ADAMTSL1: variants seen among roughly 807,000 people sequenced by gnomAD.
ADAMTSL1 encodes ADAMTS like 1, also known as ADAMTS-like protein 1.
ADAMTSL1 carries 126 observed loss-of-function variants against 201.8 expected under a neutral mutation model. The ratio of observed to expected loss-of-function variants is 0.62; its 90% confidence interval spans 0.54 to 0.72. The LOEUF (loss-of-function observed/expected upper bound fraction) is 0.72, where lower values mean the gene tolerates loss of function less well. ADAMTSL1 is among the 30% of genes least tolerant of loss of function. ADAMTSL1 has a pLI of 0.00. For synonymous variants in ADAMTSL1, 1,121 were observed against 903.4 expected, an observed-to-expected ratio of 1.24 and a Z score of -4.32; for missense variants, 2,679 against 2,277.8, an observed-to-expected ratio of 1.18 and a Z score of -3.59.
chr9:18,851,053 C>A (rs1170332789), intron 23 of ADAMTSL1, among the ~76,000 whole-genome samples: 1 of 152,238 alleles, frequency 6.6e-6, no homozygotes, highest in Non-Finnish European at 1.5e-5. Flanking sequence ...CTCTTTCTCA[C>A]TGTGGTCTAC....
intron 23 of ADAMTSL1, among the ~76,000 whole-genome samples, chr9:18,868,501 C>G (rs1827681283): frequency 6.6e-6 from 1 of 152,186 alleles, no homozygotes; most frequent in South Asian, 2.1e-4. Context: ...ATAGTTAGAG[C>G]AAATCTAGAG....
chr9:17,908,787 C>G (rs1298432942), intron 1 of ADAMTSL1, among the ~76,000 whole-genome samples: 1 of 152,036 alleles, frequency 6.6e-6, no homozygotes, highest in African/African-American at 2.4e-5. Flanking sequence ...AATCATGGCC[C>G]CATGTGTCTT....
intron 1 of ADAMTSL1, among the ~76,000 whole-genome samples, chr9:18,095,777 C>G (rs1421531654): frequency 6.6e-6 from 1 of 152,136 alleles, no homozygotes; most frequent in Non-Finnish European, 1.5e-5. Flanking sequence ...TCTCATCTTG[C>G]ATAATTCTTG....
At chr9:18,880,438 T>C (rs1828454829) in intron 23 of ADAMTSL1, among the ~76,000 whole-genome samples, 1 of 152,258 alleles carries the variant, frequency 6.6e-6, no homozygotes, top group Non-Finnish European at 1.5e-5. Flanking sequence ...ATGGATGTTA[T>C]GTTCGCAGAA....
chr9:17,908,313 G>C (rs974850856), intron 1 of ADAMTSL1, among the ~76,000 whole-genome samples: 3 of 152,144 alleles, frequency 2.0e-5, no homozygotes, highest in Admixed American at 1.3e-4. Context: ...GAAATTTCCT[G>C]CGTTAGGGCC....
chr9:18,695,047 GC>G (rs1277426481), intron 13 of ADAMTSL1, among the ~76,000 whole-genome samples: 1 of 152,220 alleles, frequency 6.6e-6, no homozygotes, highest in Admixed American at 6.5e-5. Context: ...CATATCTGGA[GC>G]CCTTTTAGCC....
chr9:18,843,055 G>T (rs1297938811), intron 23 of ADAMTSL1, among the ~76,000 whole-genome samples: 1 of 151,826 alleles, frequency 6.6e-6, no homozygotes, highest in Non-Finnish European at 1.5e-5. Context: ...ATATTGTTAT[G>T]TGTGAATCTG....
At chr9:18,065,135 A>G (rs1170331696) in intron 1 of ADAMTSL1, among the ~76,000 whole-genome samples, 1 of 152,078 alleles carries the variant, frequency 6.6e-6, no homozygotes, top group East Asian at 1.9e-4. Context: ...AAATTTGTAG[A>G]AAACTTTTTT....
At chr9:18,496,748 C>A (rs1174866248) in intron 1 of ADAMTSL1, among the ~76,000 whole-genome samples, 1 of 152,224 alleles carries the variant, frequency 6.6e-6, no homozygotes, top group African/African-American at 2.4e-5. Context: ...CAAACCCCAA[C>A]ATGTGCTTTC....
At chr9:18,877,437 C>T (rs1828237074) in intron 23 of ADAMTSL1, among the ~76,000 whole-genome samples, 1 of 152,194 alleles carries the variant, frequency 6.6e-6, no homozygotes. Context: ...TGATGTGGTG[C>T]TCTCCCACTT....
intron 4 of ADAMTSL1, among the ~76,000 whole-genome samples, chr9:18,612,884 A>C (rs1825469878): frequency 6.6e-6 from 1 of 152,156 alleles, no homozygotes; most frequent in Admixed American, 6.5e-5. Flanking sequence ...TTAAGCTAAC[A>C]AACTTCTACA....
intron 1 of ADAMTSL1, among the ~76,000 whole-genome samples, chr9:17,908,036 C>A (rs1487893787): frequency 6.6e-6 from 1 of 152,060 alleles, no homozygotes; most frequent in African/African-American, 2.4e-5. Context: ...GTTTTCCGAT[C>A]TCTATTTTAA....
At chr9:18,044,864 C>T (rs16936268) in intron 1 of ADAMTSL1, among the ~76,000 whole-genome samples, 2 of 152,152 alleles carry the variant, frequency 1.3e-5, no homozygotes, top group Non-Finnish European at 2.9e-5. Context: ...AAGTATGGCT[C>T]TCTGGCTCTC....
intron 10 of ADAMTSL1, among the ~76,000 whole-genome samples, 158 bp downstream of exon 10, chr9:18,676,065 A>G (rs1416481513): frequency 6.6e-6 from 1 of 152,120 alleles, no homozygotes; most frequent in African/African-American, 2.4e-5. Context: ...CTGCTTTTGA[A>G]TAATACTAGC....
intron 4 of ADAMTSL1, among the ~76,000 whole-genome samples, chr9:18,582,746 G>C (rs1823182330): frequency 6.6e-6 from 1 of 151,980 alleles, no homozygotes; most frequent in African/African-American, 2.4e-5. Flanking sequence ...CTTCTCTGGA[G>C]GCTGAAGCAG....
intron 2 of ADAMTSL1, among the ~76,000 whole-genome samples, chr9:18,297,349 T>A (rs1475886823): frequency 6.6e-6 from 1 of 151,922 alleles, no homozygotes. Flanking sequence ...ACCAACTAAC[T>A]TTTTTCTTTT....
intron 2 of ADAMTSL1, among the ~76,000 whole-genome samples, chr9:18,285,949 G>A (rs1832976942): frequency 6.6e-6 from 1 of 151,958 alleles, no homozygotes; most frequent in Admixed American, 6.6e-5. Context: ...TTCTATCTAA[G>A]AACATTTTCA....
chr9:18,087,180 C>A (rs908602078), intron 1 of ADAMTSL1, among the ~76,000 whole-genome samples: 1 of 152,042 alleles, frequency 6.6e-6, no homozygotes, highest in Non-Finnish European at 1.5e-5. Context: ...TCAGTCATAA[C>A]CTTTTCTTTT....
chr9:18,588,902 T>TACATATACATATATATATATATATAC (rs1564072216), intron 4 of ADAMTSL1, among the ~76,000 whole-genome samples: 23 of 116,778 alleles, frequency 2.0e-4, no homozygotes, highest in African/African-American at 5.7e-4. Context: ...TATATATATA[T>TACATATACATATATATATATATATAC]ACATATATAT....
Sources: gnomAD v4.1 joint callset for allele counts (sites outside exome capture counted in the v4.1 genomes callset) on GRCh38, gnomAD v4.1.1 for gene constraint, MANE v1.5 for transcripts, NCBI Gene and HGNC (gene_info 2026-07-23, HGNC 2026-07-21) for gene names.